The following STK32A variants were observed in gnomAD, a reference collection of about 807,000 sequenced individuals.
The protein encoded by STK32A is serine/threonine-protein kinase 32A.
Under a neutral mutation model 53.2 loss-of-function variants are expected in STK32A, and 41 were observed. The observed-to-expected ratio is 0.77, with a 90% CI of 0.60 to 1.00. The LOEUF is 1.00. Among genes scored for constraint, STK32A ranks in the 50% least tolerant of loss-of-function variants. The probability of loss-of-function intolerance (pLI) is 0.00; values close to 1 mark genes in which losing one functional copy is unlikely to be tolerated. For synonymous variants in STK32A, 166 were observed against 162.8 expected, an observed-to-expected ratio of 1.02 and a Z score of -0.15; for missense variants, 458 against 485.8, an observed-to-expected ratio of 0.94 and a Z score of 0.54.
At position 147,298,933 on chromosome 5, in the gene STK32A, C is replaced by T. The variant is rs115315251; in HGVS notation, c.260+19535C>T. Among the ~76,000 whole-genome samples, 795 of 152,156 alleles carry T rather than the reference C, an allele frequency of 5.2e-3. 6 individuals carry two copies. Among genetic ancestry groups the T allele is most frequent in the Non-Finnish European group, 8.3e-3 (567 of 68,004 alleles). On this transcript the variant is annotated intron_variant, in intron 4 of 12. Coordinates refer to ENST00000397936, the MANE Select transcript of STK32A (RefSeq NM_001112724.2). ...AACTAACCTGGGAGTATTTGGATAC[C>T]GAGATGGCTGCCAGATCTGGTGAGG... is the stretch of plus-strand genomic sequence containing the variant.
chr5:147,241,607 A>T (rs981465040), intron 2 of STK32A, among the ~76,000 whole-genome samples: 3 of 152,206 alleles, frequency 2.0e-5, no homozygotes, highest in Admixed American at 2.0e-4. Context: ...GTTCATAGGA[A>T]CTTTGAAATT....
intron 4 of STK32A, among the ~76,000 whole-genome samples, chr5:147,298,519 G>A (rs867812347): frequency 9.2e-5 from 14 of 152,314 alleles, no homozygotes; most frequent in South Asian, 4.1e-4. Flanking sequence ...GCATGAAGAG[G>A]CATGGTAAGT....
chr5:147,238,779 C>T (rs1753432479), intron 1 of STK32A, among the ~76,000 whole-genome samples: 1 of 149,078 alleles, frequency 6.7e-6, no homozygotes, highest in South Asian at 2.1e-4. Context: ...ATTTATGTAA[C>T]TCAATATATA....
intron 1 of STK32A, among the ~76,000 whole-genome samples, chr5:147,236,887 G>A (rs1034527635): frequency 2.2e-4 from 34 of 152,186 alleles, no homozygotes; most frequent in African/African-American, 7.0e-4. Context: ...AGAAAAACCT[G>A]AGGTGTGAAG....
At chr5:147,299,079 G>T (rs1363119463) in intron 4 of STK32A, among the ~76,000 whole-genome samples, 1 of 152,102 alleles carries the variant, frequency 6.6e-6, no homozygotes, top group Admixed American at 6.5e-5. Flanking sequence ...GCAGAGTAAG[G>T]TGAAAGCAAG....
At chr5:147,361,380 C>A in intron 7 of STK32A, 137 bp from the exon 8 acceptor site, 1 of 689,898 alleles carries the variant, frequency 1.4e-6, no homozygotes, top group Non-Finnish European at 2.6e-6. Flanking sequence ...TGTGAGCAAT[C>A]TAGCAACGGA....
chr5:147,270,492 G>C (rs538756790), intron 2 of STK32A, among the ~76,000 whole-genome samples: 107 of 152,224 alleles, frequency 7.0e-4, no homozygotes, highest in African/African-American at 2.4e-3. Flanking sequence ...AGAATTACAG[G>C]TATGAACCAC....
chr5:147,330,311 C>T (rs770822396), intron 5 of STK32A, among the ~76,000 whole-genome samples: 1 of 152,140 alleles, frequency 6.6e-6, no homozygotes, highest in South Asian at 2.1e-4. Flanking sequence ...GAGAAGAATA[C>T]CGTAGAGTAA....
chr5:147,319,687 A>G (rs968664454), intron 4 of STK32A, among the ~76,000 whole-genome samples: 18 of 152,176 alleles, frequency 1.2e-4, no homozygotes, highest in African/African-American at 3.9e-4. Flanking sequence ...AGGACAGTGT[A>G]CCCTAACCTC....
At chr5:147,302,849 G>T (rs888106276) in intron 4 of STK32A, among the ~76,000 whole-genome samples, 8 of 152,036 alleles carry the variant, frequency 5.3e-5, no homozygotes, top group African/African-American at 1.9e-4. Flanking sequence ...TATTAAACAT[G>T]TTTTATTAGA....
chr5:147,367,153 C>G (rs1031071168), intron 8 of STK32A, among the ~76,000 whole-genome samples: 1 of 151,926 alleles, frequency 6.6e-6, no homozygotes, highest in Non-Finnish European at 1.5e-5. Context: ...GCAACCACCC[C>G]CTCCTCTGTC....
chr5:147,358,796 T>C (rs1756371106), intron 7 of STK32A, among the ~76,000 whole-genome samples: 1 of 152,144 alleles, frequency 6.6e-6, no homozygotes, highest in Non-Finnish European at 1.5e-5. Context: ...AATAAATAGG[T>C]AGCTAGCCAA....
intron 10 of STK32A, 42 bp downstream of exon 10, chr5:147,373,336 C>A (rs181556360): frequency 3.7e-6 from 6 of 1,607,248 alleles, no homozygotes; most frequent in African/African-American, 1.3e-5. Flanking sequence ...CCATTCAGTG[C>A]GCATTACCCG....
chr5:147,284,704 CAACA>C (rs201718592), intron 4 of STK32A, among the ~76,000 whole-genome samples: 32,501 of 78,028 alleles, frequency 0.42, 4,259 homozygotes, highest in Admixed American at 0.5. Flanking sequence ...AACAAAAAAA[CAACA>C]AAAAAAAAAC....
At chr5:147,341,461 T>C (rs538389144) in intron 5 of STK32A, among the ~76,000 whole-genome samples, 1 of 152,312 alleles carries the variant, frequency 6.6e-6, no homozygotes, top group East Asian at 1.9e-4. Flanking sequence ...CATGATCCAC[T>C]TGGAAAACTT....
intron 2 of STK32A, among the ~76,000 whole-genome samples, chr5:147,275,333 CT>C (rs10595898): frequency 0.42 from 63,157 of 148,668 alleles, 13,791 homozygotes; most frequent in African/African-American, 0.52. Context: ...CTTCCAGTCA[CT>C]TTTTTTTTTT....
intron 5 of STK32A, among the ~76,000 whole-genome samples, chr5:147,336,261 TC>T (rs1715562887): frequency 6.6e-6 from 1 of 152,124 alleles, no homozygotes; most frequent in Non-Finnish European, 1.5e-5. Context: ...CAGTTGTATT[TC>T]AGTGTATTGG....
chr5:147,307,676 T>G (rs1021498596), intron 4 of STK32A, among the ~76,000 whole-genome samples: 4 of 151,792 alleles, frequency 2.6e-5, no homozygotes, highest in Admixed American at 2.6e-4. Flanking sequence ...CGTGGAGCTA[T>G]TCTATCCTGT....
Position 147,357,150 on chromosome 5 carries a change from TA to T in STK32A, c.563-4365del, listed in dbSNP as rs557497712. Among the ~76,000 whole-genome samples the T allele has an allele frequency of 9.2e-4, 140 of 152,254 alleles. 1 individual carries two copies. The highest frequency in any genetic ancestry group is 1.6e-3 in the Non-Finnish European group (108 of 67,972). On this transcript the variant is annotated intron_variant, in intron 7 of 12. Coordinates refer to ENST00000397936, the MANE Select transcript of STK32A (RefSeq NM_001112724.2). ...TTTTTACTTCTTAATTAAAATTAAT[TA>T]ATTTGATTAATTAAAAGAGCAAAAG...
Sources: allele counts gnomAD v4.1 joint callset (sites outside exome capture counted in the v4.1 genomes callset), GRCh38; gene constraint gnomAD v4.1.1; transcripts MANE v1.5; gene names NCBI Gene and HGNC (gene_info 2026-07-23, HGNC 2026-07-21).